The following RIT2 variants were observed in gnomAD, a reference collection of about 807,000 sequenced individuals.
RIT2 encodes GTP-binding protein Rit2.
RIT2 carries 24 observed loss-of-function variants against 23.7 expected under a neutral mutation model. The observed-to-expected ratio is 1.01, with a 90% CI of 0.73 to 1.43. The LOEUF is 1.43. Ranked by LOEUF, RIT2 falls within the 40% of genes most tolerant of loss-of-function variation. The pLI is 0.00. For missense variants in RIT2, 236 were observed against 266.9 expected (o/e 0.88, Z 0.81); for synonymous variants, 107 against 91.1 (o/e 1.17, Z -0.99).
intron 4 of RIT2, among the ~76,000 whole-genome samples, chr18:42,765,817 G>T (rs1022574081): frequency 6.6e-6 from 1 of 152,090 alleles, no homozygotes; most frequent in African/African-American, 2.4e-5. Context: ...GACGTGTTTT[G>T]GGAGTAACCC....
intron 3 of RIT2, chr18:42,949,006 C>T (rs1909788955): frequency 2.5e-6 from 1 of 397,628 alleles, no homozygotes; most frequent in African/African-American, 2.1e-5. Flanking sequence ...CTTCTGATTT[C>T]CCACAGCTCT....
intron 1 of RIT2, among the ~76,000 whole-genome samples, chr18:43,113,446 G>A (rs1913997462): frequency 6.6e-6 from 1 of 152,172 alleles, no homozygotes; most frequent in Non-Finnish European, 1.5e-5. Flanking sequence ...TTTTGTTCAA[G>A]TACTTAATTA....
At chr18:42,890,402 A>G (rs1293942442) in intron 4 of RIT2, among the ~76,000 whole-genome samples, 1 of 152,014 alleles carries the variant, frequency 6.6e-6, no homozygotes, top group Non-Finnish European at 1.5e-5. Context: ...AATACTATCT[A>G]CTACACAGCT....
chr18:42,912,975 G>A (rs1053773141), intron 4 of RIT2, among the ~76,000 whole-genome samples: 2 of 151,806 alleles, frequency 1.3e-5, no homozygotes, highest in Admixed American at 6.6e-5. Context: ...GAAGAAAAAC[G>A]AGGGAGGAAT....
chr18:42,827,761 T>C (rs1338363098), intron 4 of RIT2, among the ~76,000 whole-genome samples: 1 of 151,930 alleles, frequency 6.6e-6, no homozygotes, highest in Non-Finnish European at 1.5e-5. Context: ...ATCCCAGCAC[T>C]TTGGGAGGCC....
intron 4 of RIT2, among the ~76,000 whole-genome samples, chr18:42,835,848 G>A (rs528633716): frequency 1.4e-4 from 21 of 152,170 alleles, no homozygotes; most frequent in African/African-American, 5.1e-4. Context: ...TCAATATGGT[G>A]TCATTTAAAT....
chr18:42,820,456 A>C (rs1196300027), intron 4 of RIT2, among the ~76,000 whole-genome samples: 4 of 152,108 alleles, frequency 2.6e-5, no homozygotes, highest in African/African-American at 9.7e-5. Context: ...AGTTTGACCT[A>C]CAGGGGCTAC....
At chr18:43,112,732 C>T (rs1182803465) in intron 1 of RIT2, among the ~76,000 whole-genome samples, 2 of 151,848 alleles carry the variant, frequency 1.3e-5, no homozygotes, top group African/African-American at 4.8e-5. Flanking sequence ...AGTGAGAGCC[C>T]ATCTCTACAA....
At chr18:43,099,496 A>C (rs1913632816) in intron 1 of RIT2, among the ~76,000 whole-genome samples, 1 of 151,502 alleles carries the variant, frequency 6.6e-6, no homozygotes, top group Non-Finnish European at 1.5e-5. Context: ...TATAATAAAA[A>C]ATAATAACTT....
intron 4 of RIT2, among the ~76,000 whole-genome samples, chr18:42,815,346 A>T (rs1187471586): frequency 6.6e-6 from 1 of 152,198 alleles, no homozygotes; most frequent in African/African-American, 2.4e-5. Flanking sequence ...TCAGCAATAG[A>T]ATCGAACAAG....
At chr18:42,858,950 C>A (rs1057182413) in intron 4 of RIT2, among the ~76,000 whole-genome samples, 1 of 152,124 alleles carries the variant, frequency 6.6e-6, no homozygotes, top group Non-Finnish European at 1.5e-5. Flanking sequence ...TTTATTATTT[C>A]ATCAATTGAT....
At chr18:42,753,908 C>T (rs1913103849) in intron 4 of RIT2, among the ~76,000 whole-genome samples, 1 of 152,256 alleles carries the variant, frequency 6.6e-6, no homozygotes, top group East Asian at 1.9e-4. Flanking sequence ...GTAAGTGCTA[C>T]ATGTCATTTC....
intron 3 of RIT2, among the ~76,000 whole-genome samples, chr18:42,941,595 T>A (rs1909601229): frequency 6.6e-6 from 1 of 152,090 alleles, no homozygotes; most frequent in East Asian, 1.9e-4. Context: ...TAATCCCTAC[T>A]CCCCTTATTA....
chr18:42,795,108 G>A (rs1336058068), intron 4 of RIT2, among the ~76,000 whole-genome samples: 3 of 152,194 alleles, frequency 2.0e-5, no homozygotes, highest in African/African-American at 4.8e-5. Context: ...GCCCTCGCTC[G>A]CTCTCGGCAC....
At position 42,743,420 on chromosome 18, in the gene RIT2, A is replaced by T; in HGVS notation, c.*73T>A. 9.2e-7 allele frequency: 1 copy of T among 1,085,946 alleles called. No homozygotes were observed. The highest frequency in any genetic ancestry group is 1.3e-5 in the South Asian group (1 of 75,174). 67.3% of individuals were successfully genotyped at this position (1,085,946 alleles called of 1,614,324 possible). A position where few individuals can be genotyped will look rare whatever the true frequency, so the allele number is the denominator to read the frequency against. On this transcript the variant is annotated 3_prime_UTR_variant, in exon 5 of 5. Transcript: ENST00000326695. ...AGAGACACATAGAGAGATAATATTG[A>T]AGCAGAATGCTACATATGGAATTGT...
In RIT2 at chr18:43,111,172, T is replaced by C. The variant is rs373070977; in HGVS notation, c.103+4245A>G. 4.6e-5 allele frequency among the ~76,000 whole-genome samples: 7 copies of C among 152,264 alleles called. No homozygotes were observed. The South Asian group carries it at 8.3e-4, about 18-fold the overall frequency. On this transcript the variant is annotated intron_variant, in intron 1 of 4. Coordinates refer to ENST00000326695, the MANE Select transcript of RIT2 (RefSeq NM_002930.4). ...ACAGCATGCATGGAAATGGAGATCATTGTGTCAAGTGAAATAAGCCAGACA... is the reference window on the plus strand; with the variant it reads ...ACAGCATGCATGGAAATGGAGATCACTGTGTCAAGTGAAATAAGCCAGACA...
intron 3 of RIT2, among the ~76,000 whole-genome samples, chr18:42,962,585 G>A (rs1285917542): frequency 6.6e-6 from 1 of 152,172 alleles, no homozygotes; most frequent in East Asian, 1.9e-4. Context: ...GGCTTTGAGA[G>A]TCAAACAGCT....
In RIT2 at chr18:42,864,043, G is replaced by GAA. The variant is rs35294397; in HGVS notation, c.426+59527_426+59528dup. Among the ~76,000 whole-genome samples the GAA allele has an allele frequency of 2.8e-3, 405 of 143,684 alleles. 4 individuals carry two copies. In the Middle Eastern group the frequency reaches 0.032, roughly 11 times the overall value. 94.3% of individuals were successfully genotyped at this position (143,684 alleles called of 152,430 possible). A position where few individuals can be genotyped will look rare whatever the true frequency, so the allele number is the denominator to read the frequency against. On this transcript the variant is annotated intron_variant, in intron 4 of 4. Transcript: ENST00000326695. ...GAATGACAAGATTGTATAAGAAAAT[G>GAA]AAAAAAAAAAACGATATGAAATTGA... is the stretch of plus-strand genomic sequence containing the variant.
intron 4 of RIT2, among the ~76,000 whole-genome samples, chr18:42,791,534 C>T (rs1598655388): frequency 6.6e-6 from 1 of 152,156 alleles, no homozygotes; most frequent in South Asian, 2.1e-4. Flanking sequence ...GTCCCGCTGA[C>T]CTGTTTCATT....
Sources: gnomAD v4.1 joint callset for allele counts (sites outside exome capture counted in the v4.1 genomes callset) on GRCh38, gnomAD v4.1.1 for gene constraint, MANE v1.5 for transcripts, NCBI Gene and HGNC (gene_info 2026-07-23, HGNC 2026-07-21) for gene names.